The following DDAH1 variants were observed in gnomAD, a reference collection of about 807,000 sequenced individuals.
DDAH1 encodes the protein N(G),N(G)-dimethylarginine dimethylaminohydrolase 1.
In DDAH1, 19 loss-of-function variants were observed where a neutral mutation model predicts 28.8. That is an observed-to-expected ratio of 0.66 (90% CI 0.46 to 0.97). The LOEUF (loss-of-function observed/expected upper bound fraction) is 0.97, where lower values mean the gene tolerates loss of function less well. Among genes scored for constraint, DDAH1 ranks in the 50% least tolerant of loss-of-function variants. DDAH1 has a pLI of 0.00. For synonymous variants in DDAH1, 153 were observed against 154.4 expected, an observed-to-expected ratio of 0.99 and a Z score of 0.07; for missense variants, 326 against 375.9, an observed-to-expected ratio of 0.87 and a Z score of 1.10.
At chr1:85,544,839 T>C (rs1658572982) in intron 1 of DDAH1, among the ~76,000 whole-genome samples, 1 of 152,132 alleles carries the variant, frequency 6.6e-6, no homozygotes. Flanking sequence ...GTTGAGGAAT[T>C]TGGCTCTAGA....
chr1:85,484,002 A>G (rs1656105707), intron 2 of DDAH1, among the ~76,000 whole-genome samples: 1 of 152,198 alleles, frequency 6.6e-6, no homozygotes, highest in African/African-American at 2.4e-5. Context: ...GGGAAATGTT[A>G]TAAACCCAGT....
intron 1 of DDAH1, among the ~76,000 whole-genome samples, chr1:85,502,238 G>A (rs967921210): frequency 2.0e-5 from 3 of 152,172 alleles, no homozygotes; most frequent in Non-Finnish European, 2.9e-5. Context: ...GCTTAACACA[G>A]TATTCCTCTA....
At chr1:85,470,618 G>A (rs1403724458) in intron 2 of DDAH1, among the ~76,000 whole-genome samples, 1 of 152,216 alleles carries the variant, frequency 6.6e-6, no homozygotes, top group African/African-American at 2.4e-5. Flanking sequence ...AGTAAGTCCT[G>A]AGTGTTTTAA....
At chr1:85,467,241 C>G (rs144639286), upstream of DDAH1, 7 of 152,352 alleles carry the variant, frequency 4.6e-5, no homozygotes, top group Non-Finnish European at 8.8e-5. Flanking sequence ...CATTGAGGCT[C>G]CATCTGTCTC....
intron 4 of DDAH1, among the ~76,000 whole-genome samples, chr1:85,335,889 G>A (rs1486904018): frequency 1.3e-5 from 2 of 152,020 alleles, no homozygotes; most frequent in African/African-American, 4.8e-5. Flanking sequence ...TTAAGCCTGG[G>A]AGGCAGAGGT....
chr1:85,392,790 TAAAA>T (rs11314404), intron 1 of DDAH1, among the ~76,000 whole-genome samples: 2 of 109,450 alleles, frequency 1.8e-5, no homozygotes, highest in Non-Finnish European at 3.7e-5. Context: ...AGACTCTGTC[TAAAA>T]AAAAAAAAAA....
chr1:85,347,143 T>C (rs1648900611), intron 4 of DDAH1, among the ~76,000 whole-genome samples: 2 of 152,100 alleles, frequency 1.3e-5, no homozygotes, highest in Admixed American at 6.5e-5. Context: ...TGTGGAGAAA[T>C]AGGAACACTT....
intron 1 of DDAH1, among the ~76,000 whole-genome samples, chr1:85,550,469 C>T (rs370024263): frequency 3.9e-5 from 6 of 152,096 alleles, no homozygotes; most frequent in Admixed American, 2.0e-4. Flanking sequence ...TAGGGAGCTC[C>T]GTCCTTAAAG....
intron 1 of DDAH1, among the ~76,000 whole-genome samples, chr1:85,378,366 G>A (rs1650793993): frequency 6.6e-6 from 1 of 152,100 alleles, no homozygotes; most frequent in Non-Finnish European, 1.5e-5. Flanking sequence ...AAAAGTAATA[G>A]TAAAGGAGTA....
chr1:85,577,969 C>T (rs1343481458), intron 1 of DDAH1: 1 of 985,400 alleles, frequency 1.0e-6, no homozygotes, highest in African/African-American at 1.7e-5. Context: ...AATTAGCACC[C>T]GAAGCAACAC....
chr1:85,399,412 C>T (rs1306191097), intron 1 of DDAH1: 1 of 152,190 alleles, frequency 6.6e-6, no homozygotes, highest in Non-Finnish European at 1.5e-5. Context: ...AGCATTAATG[C>T]CCTTAGTTTT....
Position 85,577,187 on chromosome 1 carries a change from C to T in DDAH1, c.-123+797G>A, listed in dbSNP as rs1363963308. ...GGATGCCTCGCGTCCCGCACCCTCT[C>T]GCGGTGCGGACCCTCTCCGCTCCCT... On this transcript the variant is annotated intron_variant, in intron 1 of 6. Coordinates refer to the DDAH1 transcript ENST00000426972. Among the ~76,000 whole-genome samples, 5 of 152,210 alleles carry T rather than the reference C, an allele frequency of 3.3e-5. No homozygotes were observed. The East Asian group carries it at 5.8e-4, about 18-fold the overall frequency.
rs1661352576 is a variant in DDAH1 at position 85,321,706 on chromosome 1, A to G, written c.742-138T>C. The G allele has an allele frequency of 8.7e-6, 6 of 687,340 alleles. No individual in the cohort carries two copies. In the Admixed American group the frequency reaches 1.1e-4, roughly 12 times the overall value. 42.6% of individuals were successfully genotyped at this position (687,340 alleles called of 1,614,324 possible). A position where few individuals can be genotyped will look rare whatever the true frequency, so the allele number is the denominator to read the frequency against. ...GACACACAGGCAGTCTCAACCACAC[A>G]CATGCCCACAGTCATCCCTATAGAG... On this transcript the variant is annotated intron_variant, in intron 5 of 5. Coordinates refer to ENST00000284031, the MANE Select transcript of DDAH1 (RefSeq NM_012137.4).
intron 1 of DDAH1, among the ~76,000 whole-genome samples, chr1:85,534,524 TGA>T (rs1441426126): frequency 6.6e-6 from 1 of 152,072 alleles, no homozygotes; most frequent in Non-Finnish European, 1.5e-5. Context: ...GAAGTTGAAA[TGA>T]GAAGCCAAGA....
intron 1 of DDAH1, among the ~76,000 whole-genome samples, chr1:85,551,562 T>C (rs1361513434): frequency 6.6e-6 from 1 of 152,258 alleles, no homozygotes; most frequent in Non-Finnish European, 1.5e-5. Flanking sequence ...TAACATTTAC[T>C]GATCACCTAC....
At chr1:85,345,950 G>A (rs1035442003) in intron 4 of DDAH1, among the ~76,000 whole-genome samples, 10 of 152,176 alleles carry the variant, frequency 6.6e-5, no homozygotes, top group African/African-American at 2.4e-4. Flanking sequence ...CTAGATGGAT[G>A]ATTTCATTTA....
At chr1:85,504,582 T>C (rs1404970052) in intron 1 of DDAH1, among the ~76,000 whole-genome samples, 1 of 152,194 alleles carries the variant, frequency 6.6e-6, no homozygotes, top group Non-Finnish European at 1.5e-5. Context: ...GCTGAGCACT[T>C]AGAATGTCTG....
At chr1:85,404,160 T>C (rs992671141) in intron 1 of DDAH1, among the ~76,000 whole-genome samples, 1 of 152,226 alleles carries the variant, frequency 6.6e-6, no homozygotes, top group African/African-American at 2.4e-5. Context: ...GAACTACATA[T>C]TATATTTCAC....
At chr1:85,334,952 T>G (rs1392478701) in intron 4 of DDAH1, among the ~76,000 whole-genome samples, 3 of 152,090 alleles carry the variant, frequency 2.0e-5, no homozygotes, top group African/African-American at 4.8e-5. Context: ...CCTTCATAAA[T>G]GAAGGACAAA....
Sources: allele counts gnomAD v4.1 joint callset (sites outside exome capture counted in the v4.1 genomes callset), GRCh38; gene constraint gnomAD v4.1.1; transcripts MANE v1.5; gene names NCBI Gene and HGNC (gene_info 2026-07-23, HGNC 2026-07-21).